Variants in PLCL1 observed in about 807,000 individuals in gnomAD.
The protein encoded by PLCL1 is phospholipase C like 1 (inactive), also known as inactive phospholipase C-like protein 1.
PLCL1 carries 41 observed loss-of-function variants against 84.4 expected under a neutral mutation model. The ratio of observed to expected loss-of-function variants is 0.49; its 90% confidence interval spans 0.38 to 0.63. PLCL1 has a LOEUF of 0.63. PLCL1 is among the 30% of genes least tolerant of loss of function. The pLI is 0.00. For synonymous variants in PLCL1, 490 were observed against 488.3 expected (o/e 1.00, Z -0.05); for missense variants, 1,206 against 1,367.8 (o/e 0.88, Z 1.87).
chr2:198,025,969 A>G (rs906261342), intron 1 of PLCL1, among the ~76,000 whole-genome samples: 1 of 152,216 alleles, frequency 6.6e-6, no homozygotes, highest in Non-Finnish European at 1.5e-5. Flanking sequence ...GCAGTTAATC[A>G]TATTTGCAAT....
intron 1 of PLCL1, among the ~76,000 whole-genome samples, chr2:197,923,282 G>A (rs1440111993): frequency 4.9e-5 from 7 of 142,708 alleles, no homozygotes; most frequent in South Asian, 2.3e-4. Flanking sequence ...CCTCCCGGAC[G>A]GGGTGGCTGC....
intron 1 of PLCL1, among the ~76,000 whole-genome samples, chr2:198,011,880 A>C (rs1489796720): frequency 1.3e-5 from 2 of 152,140 alleles, no homozygotes; most frequent in East Asian, 1.9e-4. Context: ...CTCTTGTGAC[A>C]ATTTTTGTCC....
intron 1 of PLCL1, among the ~76,000 whole-genome samples, chr2:197,946,875 G>A (rs1031075129): frequency 1.2e-4 from 19 of 152,086 alleles, no homozygotes; most frequent in African/African-American, 9.7e-5. Context: ...GTGTGTGGCC[G>A]TTTGGTTGGG....
Position 198,084,730 on chromosome 2 carries a change from T to A in PLCL1, c.1213T>A (p.Ser405Thr). 1.2e-6 allele frequency: 2 copies of A among 1,614,104 alleles called. No homozygotes were observed. Among genetic ancestry groups the A allele is most frequent in the Non-Finnish European group, 1.7e-6 (2 of 1,179,978 alleles). Residue 405 changes from serine (S) to threonine (T), a missense_variant, in exon 2 of 6, where the codon TCT becomes ACT. Physicochemically the swap from Ser to Thr is moderately conservative, Grantham distance 58. Coordinates refer to ENST00000428675, the MANE Select transcript of PLCL1 (RefSeq NM_006226.4). ...TGCCCAAGATATGACCCAGCCATTA[T>A]CTCACTACTATATCAATGCCTCTCA... Reference protein sequence around the residue: ...KVAQDMTQPLSHYYINASHNT... With the variant: ...KVAQDMTQPLTHYYINASHNT...
intron 5 of PLCL1, among the ~76,000 whole-genome samples, chr2:198,106,828 C>T (rs1465702045): frequency 6.6e-6 from 1 of 151,906 alleles, no homozygotes. Context: ...GGACTCTCTC[C>T]ATCTCACAAA....
intron 1 of PLCL1, among the ~76,000 whole-genome samples, chr2:197,942,911 A>G (rs763719043): frequency 1.3e-5 from 2 of 152,168 alleles, no homozygotes; most frequent in Non-Finnish European, 2.9e-5. Flanking sequence ...TAATCCCCTT[A>G]TAATAGAATA....
At chr2:197,950,299 T>C (rs1288576528) in intron 1 of PLCL1, among the ~76,000 whole-genome samples, 1 of 152,128 alleles carries the variant, frequency 6.6e-6, no homozygotes, top group Non-Finnish European at 1.5e-5. Context: ...CTCTCAGCTT[T>C]GTGGGAGACC....
chr2:197,825,287 T>C (rs1342679812), intron 1 of PLCL1, among the ~76,000 whole-genome samples: 2 of 152,214 alleles, frequency 1.3e-5, no homozygotes, highest in African/African-American at 4.8e-5. Context: ...TGTATGACAC[T>C]GGACCCAGTC....
chr2:198,076,309 C>T (rs554049623), intron 1 of PLCL1, among the ~76,000 whole-genome samples: 1 of 152,162 alleles, frequency 6.6e-6, no homozygotes, highest in South Asian at 2.1e-4. Flanking sequence ...AATTAGTATC[C>T]CATCCCCACC....
At chr2:198,132,149 A>G (rs114446887) in intron 5 of PLCL1, among the ~76,000 whole-genome samples, 1,768 of 152,272 alleles carry the variant, frequency 0.012, 33 homozygotes, top group African/African-American at 0.04. Flanking sequence ...TTTCAGTCTC[A>G]GAAAGAGTTA....
chr2:197,865,098 T>C (rs575801262), intron 1 of PLCL1, among the ~76,000 whole-genome samples: 1 of 152,294 alleles, frequency 6.6e-6, no homozygotes, highest in East Asian at 1.9e-4. Context: ...CATCTTTTTA[T>C]AATTGAAGAA....
At chr2:198,078,280 A>G (rs1426156949) in intron 1 of PLCL1, among the ~76,000 whole-genome samples, 1 of 152,216 alleles carries the variant, frequency 6.6e-6, no homozygotes, top group East Asian at 1.9e-4. Context: ...GAATAAGACC[A>G]GAGGCTTCTC....
Position 197,865,665 on chromosome 2 carries a change from CAT to C in PLCL1, c.240+60329_240+60330del, listed in dbSNP as rs756441773. Among the ~76,000 whole-genome samples, 232 of 152,054 alleles carry C rather than the reference CAT, an allele frequency of 1.5e-3. 2 individuals are homozygous for C. Among genetic ancestry groups the C allele is most frequent in the Non-Finnish European group, 1.0e-3 (70 of 67,972 alleles). On this transcript the variant is annotated intron_variant, in intron 1 of 5. Transcript: ENST00000428675. ...AATTAGCACGTTAAGTTAGATGAAA[CAT>C]ATCAGTGGAATCAAAGCTCACGCGT...
chr2:198,082,995 G>A (rs906276420), intron 1 of PLCL1, among the ~76,000 whole-genome samples: 4 of 152,156 alleles, frequency 2.6e-5, no homozygotes, highest in Non-Finnish European at 2.9e-5. Context: ...TTTACAAGGT[G>A]CAAGTGTTCC....
chr2:198,068,512 G>C (rs1314638092), intron 1 of PLCL1, among the ~76,000 whole-genome samples: 1 of 152,114 alleles, frequency 6.6e-6, no homozygotes, highest in Non-Finnish European at 1.5e-5. Context: ...AATATTAGTA[G>C]ATGTATTAGA....
chr2:197,955,539 C>G (rs1012978372), intron 1 of PLCL1, among the ~76,000 whole-genome samples: 5 of 149,166 alleles, frequency 3.4e-5, no homozygotes, highest in Admixed American at 6.7e-5. Context: ...CCTCCCCTTA[C>G]TCCCCCATCC....
chr2:197,812,453 A>G (rs1220512239), intron 1 of PLCL1, among the ~76,000 whole-genome samples: 1 of 152,186 alleles, frequency 6.6e-6, no homozygotes, highest in Admixed American at 6.5e-5. Flanking sequence ...CAACTTCACC[A>G]ACATTTGTTG....
At chr2:197,883,574 A>G (rs1377872046) in intron 1 of PLCL1, among the ~76,000 whole-genome samples, 1 of 152,178 alleles carries the variant, frequency 6.6e-6, no homozygotes, top group East Asian at 1.9e-4. Flanking sequence ...TGGAGTATGT[A>G]TTATACTTGC....
intron 1 of PLCL1, among the ~76,000 whole-genome samples, chr2:197,889,811 G>C (rs924921100): frequency 6.6e-6 from 1 of 152,062 alleles, no homozygotes; most frequent in South Asian, 2.1e-4. Context: ...CCTGTGGTTG[G>C]TGTGATTTTA....
Sources: gnomAD v4.1 joint callset for allele counts (sites outside exome capture counted in the v4.1 genomes callset) on GRCh38, gnomAD v4.1.1 for gene constraint, MANE v1.5 for transcripts, NCBI Gene and HGNC (gene_info 2026-07-23, HGNC 2026-07-21) for gene names.